Variants in SRGAP1 observed in about 807,000 individuals in gnomAD.
SRGAP1 encodes the protein SLIT-ROBO Rho GTPase activating protein 1.
In SRGAP1, 43 loss-of-function variants were observed where a neutral mutation model predicts 121.9. The ratio of observed to expected loss-of-function variants is 0.35; its 90% CI spans 0.28 to 0.46. The LOEUF (loss-of-function observed/expected upper bound fraction) is 0.46. SRGAP1 is among the 20% of genes least tolerant of loss of function. SRGAP1 has a pLI of 1.00. For missense variants in SRGAP1, 1,102 were observed against 1,350.9 expected (o/e 0.82, Z 2.89); for synonymous variants, 447 against 485.4 (o/e 0.92, Z 1.04).
At chr12:63,991,207 C>T (rs1197034308) in intron 3 of SRGAP1, among the ~76,000 whole-genome samples, 5 of 152,204 alleles carry the variant, frequency 3.3e-5, no homozygotes, top group Admixed American at 3.3e-4. Context: ...ATGCCTGTAC[C>T]TATACCTGTA....
chr12:64,034,845 A>G (rs2034862624), intron 4 of SRGAP1, among the ~76,000 whole-genome samples: 1 of 152,150 alleles, frequency 6.6e-6, no homozygotes, highest in Admixed American at 6.5e-5. Flanking sequence ...GTATGCTACT[A>G]CTCAAACTGA....
intron 6 of SRGAP1, among the ~76,000 whole-genome samples, chr12:64,058,206 A>C (rs752617843): frequency 4.6e-5 from 7 of 152,146 alleles, no homozygotes; most frequent in Non-Finnish European, 8.8e-5. Flanking sequence ...TTTACAATTG[A>C]TTTATCTGGA....
rs1403752091 is a variant in SRGAP1 at position 64,145,344 on chromosome 12, G to T, written c.*2672G>T. The T allele has an allele frequency of 6.6e-6, 1 of 152,150 alleles. No individual in the cohort carries two copies. The highest frequency in any genetic ancestry group is 2.4e-5 in the African/African-American group (1 of 41,398). The allele number at this position is 152,150 out of a possible 1,614,324, so 9.4% of individuals were successfully genotyped here. Reference sequence around the variant, plus strand: ...TTCTATCTGGTCATCCTCCCCAGCGGCTCCTCTCTCTGATGTGTCCACCTA... The same window carrying T: ...TTCTATCTGGTCATCCTCCCCAGCGTCTCCTCTCTCTGATGTGTCCACCTA... On this transcript the variant is annotated 3_prime_UTR_variant, in exon 22 of 22. Coordinates refer to ENST00000355086, the MANE Select transcript of SRGAP1 (RefSeq NM_020762.4).
chr12:63,984,630 G>C (rs955919169), intron 2 of SRGAP1, among the ~76,000 whole-genome samples: 3 of 152,146 alleles, frequency 2.0e-5, no homozygotes, highest in Non-Finnish European at 4.4e-5. Context: ...AAAATGCTAT[G>C]AATGAGCATA....
intron 8 of SRGAP1, among the ~76,000 whole-genome samples, chr12:64,077,488 TTATAA>T (rs1164156483): frequency 2.0e-5 from 3 of 148,908 alleles, no homozygotes; most frequent in South Asian, 2.1e-4. Context: ...ATATATTCTA[TTATAA>T]TATATTACAA....
chr12:63,986,105 CTCTCT>C (rs913263342), intron 2 of SRGAP1, among the ~76,000 whole-genome samples: 1 of 151,862 alleles, frequency 6.6e-6, no homozygotes, highest in Non-Finnish European at 1.5e-5. Context: ...CTTCTCTTTT[CTCTCT>C]TCTCTTTTTT....
chr12:64,021,022 A>G (rs995931316), intron 4 of SRGAP1, among the ~76,000 whole-genome samples: 4 of 151,914 alleles, frequency 2.6e-5, no homozygotes, highest in Admixed American at 6.6e-5. Context: ...CCAAGACTCA[A>G]GCTCCTCCTA....
Position 63,844,746 on chromosome 12 carries a change from C to T in SRGAP1, c.-71C>T. On this transcript the variant is annotated 5_prime_UTR_variant, in exon 1 of 22. Transcript: ENST00000355086. This position sits in a 1 kb window ranked among gnomAD's most constrained non-coding sequence, Gnocchi z 4.3. ...TGCGTGTGGGAGTACAACTCTGCCT[C>T]TCCAAGGAGAACGGGTTGTGACCAC... 2 of 1,506,810 alleles carry T rather than the reference C, an allele frequency of 1.3e-6. No homozygotes were observed. Among genetic ancestry groups the T allele is most frequent in the Non-Finnish European group, 1.8e-6 (2 of 1,082,180 alleles). 93.3% of individuals were successfully genotyped at this position (1,506,810 alleles called of 1,614,324 possible). A position where few individuals can be genotyped will look rare whatever the true frequency, so the allele number is the denominator to read the frequency against.
At chr12:63,850,391 A>C (rs1316255921) in intron 1 of SRGAP1, among the ~76,000 whole-genome samples, 1 of 151,722 alleles carries the variant, frequency 6.6e-6, no homozygotes, top group Non-Finnish European at 1.5e-5. Context: ...AGACAGCTTC[A>C]AGTCTGTTCT....
At position 64,097,250 on chromosome 12, in the gene SRGAP1, C is replaced by A; in HGVS notation, c.1688C>A (p.Pro563His). ...IKNSFERGEN[P>H]LADDQSNHDI... The stretch of plus-strand genomic sequence containing the variant: ...TTTTTTTTTTTTTTAGGTGAAAATC[C>A]TTTGGCTGATGACCAGAGTAACCAT... The change falls in exon 15 of 22, where the codon CCT becomes CAT. Residue 563 changes from proline to histidine, a missense_variant. By Grantham distance (77) the Pro-to-His change is moderately conservative. Transcript: ENST00000355086. The A allele has an allele frequency of 1.3e-6, 2 of 1,565,662 alleles. No individual in the cohort carries two copies. The highest frequency in any genetic ancestry group is 1.4e-5 in the African/African-American group (1 of 71,054).
chr12:63,917,457 G>T (rs1235923800), intron 1 of SRGAP1, among the ~76,000 whole-genome samples: 1 of 152,154 alleles, frequency 6.6e-6, no homozygotes, highest in Non-Finnish European at 1.5e-5. Flanking sequence ...CATTTTTATT[G>T]TGAGTGTGTT....
rs1006842187 is a variant in SRGAP1, at chr12:64,158,085, G to C, written c.*15413G>C. 12 of 152,502 alleles carry C rather than the reference G, an allele frequency of 7.9e-5. No individual in the cohort carries two copies. The highest frequency in any genetic ancestry group is 3.4e-3 in the Middle Eastern group (1 of 294). 9.4% of individuals were successfully genotyped at this position (152,502 alleles called of 1,614,324 possible). On this transcript the variant is annotated 3_prime_UTR_variant, in exon 22 of 22. Coordinates refer to ENST00000355086, the MANE Select transcript of SRGAP1 (RefSeq NM_020762.4). ...TATAATGCAAGAAAAAGAACCCAGG[G>C]CCGGGCACAGTGGCTCACGCCTATA...
At chr12:63,922,428 CTG>C (rs1357541787) in intron 1 of SRGAP1, among the ~76,000 whole-genome samples, 2 of 152,206 alleles carry the variant, frequency 1.3e-5, no homozygotes, top group Non-Finnish European at 2.9e-5. Context: ...GATTTGCAGA[CTG>C]TTTTTACATT....
Position 64,095,109 on chromosome 12 carries a change from C to T in SRGAP1, c.1601-18C>T, listed in dbSNP as rs1297298045. The T allele has an allele frequency of 6.2e-7, 1 of 1,613,530 alleles. No homozygotes were observed. The highest frequency in any genetic ancestry group is 8.5e-7 in the Non-Finnish European group (1 of 1,179,598). ...ATGTGATGGGGGTTTTATCCTCTTTCCCTTCTTTTCTCTTTAGGTCTTCAG... is the reference window on the plus strand; with the variant it reads ...ATGTGATGGGGGTTTTATCCTCTTTTCCTTCTTTTCTCTTTAGGTCTTCAG... On this transcript the variant is annotated intron_variant, in intron 13 of 21. Transcript: ENST00000355086.
At chr12:64,078,513 A>C (rs774543861) in intron 8 of SRGAP1, among the ~76,000 whole-genome samples, 14 of 152,218 alleles carry the variant, frequency 9.2e-5, no homozygotes, top group Non-Finnish European at 1.0e-4. Flanking sequence ...AGGCACAAGC[A>C]GTCTCATAAT....
At chr12:63,945,672 G>C (rs1301598135) in intron 1 of SRGAP1, among the ~76,000 whole-genome samples, 2 of 152,152 alleles carry the variant, frequency 1.3e-5, no homozygotes, top group Non-Finnish European at 2.9e-5. Context: ...TTATTTTGAT[G>C]GGTTTGGTTG....
At chr12:63,884,912 G>T (rs929108004) in intron 1 of SRGAP1, among the ~76,000 whole-genome samples, 1 of 151,802 alleles carries the variant, frequency 6.6e-6, no homozygotes, top group East Asian at 1.9e-4. Context: ...AGTAGAGACG[G>T]GGTTTCACCG....
chr12:64,128,108 A>G lies in SRGAP1; in HGVS notation c.2788A>G (p.Ile930Val). 6.2e-7 allele frequency: 1 copy of G among 1,614,150 alleles called. No individual in the cohort carries two copies. Among genetic ancestry groups the G allele is most frequent in the Non-Finnish European group, 8.5e-7 (1 of 1,180,028 alleles). Residue 930 changes from isoleucine (I) to valine (V), a missense_variant, in exon 21 of 22, where the codon ATC becomes GTC. Coordinates refer to ENST00000355086, the MANE Select transcript of SRGAP1 (RefSeq NM_020762.4). ...CAGCCGGCACGACTCCCTCAAGAAG[A>G]TCGACAGCCCTCCCATTAGAAGGTC... ...NISRHDSLKK[I>V]DSPPIRRSTS...
chr12:64,042,310 T>C (rs1217832563), intron 4 of SRGAP1, among the ~76,000 whole-genome samples: 3 of 152,196 alleles, frequency 2.0e-5, no homozygotes, highest in Non-Finnish European at 4.4e-5. Context: ...CAATGTTTTT[T>C]CAACTAAAAC....
Sources: gnomAD v4.1 joint callset for allele counts (sites outside exome capture counted in the v4.1 genomes callset) on GRCh38, gnomAD v4.1.1 for gene constraint, Gnocchi (gnomAD v3.1) non-coding constraint, MANE v1.5 for transcripts, NCBI Gene and HGNC (gene_info 2026-07-23, HGNC 2026-07-21) for gene names.